MRC1: variants seen among roughly 807,000 people sequenced by gnomAD.
MRC1 encodes macrophage mannose receptor 1.
A neutral mutation model predicts 102.9 loss-of-function variants in MRC1; 62 were observed. The ratio of observed to expected loss-of-function variants is 0.60; its 90% CI spans 0.49 to 0.74. MRC1 has a LOEUF of 0.74. Ranked by LOEUF, MRC1 falls within the 30% of genes least tolerant of loss-of-function variation. The pLI is 0.00. For synonymous variants in MRC1, 457 were observed against 298.4 expected (o/e 1.53, Z -5.48); for missense variants, 1,237 against 862.8 (o/e 1.43, Z -5.43).
intron 1 of MRC1, among the ~76,000 whole-genome samples, chr10:17,817,189 G>A (rs1838325466): frequency 6.8e-6 from 1 of 147,488 alleles, no homozygotes; most frequent in Admixed American, 6.9e-5. Flanking sequence ...GGCGGAGGTT[G>A]CAACGTGTTG....
At chr10:17,884,468 G>A (rs1337705579) in intron 21 of MRC1, among the ~76,000 whole-genome samples, 2 of 152,214 alleles carry the variant, frequency 1.3e-5, no homozygotes, top group Admixed American at 1.3e-4. Flanking sequence ...AGCTGCCGGA[G>A]ACTGGGTAAT....
At chr10:17,898,975 A>G (rs1238257883) in intron 24 of MRC1, among the ~76,000 whole-genome samples, 1 of 152,228 alleles carries the variant, frequency 6.6e-6, no homozygotes, top group African/African-American at 2.4e-5. Flanking sequence ...AGAGGCATAT[A>G]GAAAGTGTCA....
chr10:17,876,793 A>G (rs1361631156), intron 17 of MRC1, among the ~76,000 whole-genome samples: 1 of 152,158 alleles, frequency 6.6e-6, no homozygotes, highest in African/African-American at 2.4e-5. Flanking sequence ...CTTGGTTGTA[A>G]CAAAATTGTG....
chr10:17,885,493 T>C (rs974524182), intron 22 of MRC1, 58 bp downstream of exon 22: 47 of 770,710 alleles, frequency 6.1e-5, no homozygotes, highest in Non-Finnish European at 1.0e-4. Context: ...AGGGTTATCA[T>C]CTTATTGATT....
chr10:17,840,412 A>T (rs1204669078), intron 4 of MRC1, among the ~76,000 whole-genome samples: 1 of 152,256 alleles, frequency 6.6e-6, no homozygotes, highest in Non-Finnish European at 1.5e-5. Context: ...GATAATAGTC[A>T]AGATGATGGG....
chr10:17,864,232 G>A (rs1230293803), intron 11 of MRC1, among the ~76,000 whole-genome samples: 8 of 151,948 alleles, frequency 5.3e-5, no homozygotes, highest in South Asian at 2.1e-4. Context: ...CGAACTCCTC[G>A]CCTCAAGTGA....
At chr10:17,816,134 G>A (rs1838308328) in intron 1 of MRC1, among the ~76,000 whole-genome samples, 1 of 152,164 alleles carries the variant, frequency 6.6e-6, no homozygotes, top group East Asian at 1.9e-4. Context: ...TCAGCCCCCA[G>A]CACCTGGCAT....
At chr10:17,827,831 A>G (rs1838504401) in intron 3 of MRC1, 116 bp downstream of exon 3, 1 of 734,302 alleles carries the variant, frequency 1.4e-6, no homozygotes. Flanking sequence ...TTACGACCTC[A>G]TTGTACCTAC....
intron 1 of MRC1, 132 bp downstream of exon 1, chr10:17,809,658 G>A: frequency 1.3e-6 from 1 of 775,254 alleles, no homozygotes; most frequent in Non-Finnish European, 2.4e-6. Flanking sequence ...GCACCACGCA[G>A]TCCACGGCTA....
intron 22 of MRC1, among the ~76,000 whole-genome samples, chr10:17,888,644 ATTC>A (rs1833633395): frequency 6.6e-6 from 1 of 152,088 alleles, no homozygotes; most frequent in African/African-American, 2.4e-5. Context: ...TGTGTTTTCT[ATTC>A]TTTTAAATTT....
chr10:17,841,332 T>C (rs901723816), intron 5 of MRC1, among the ~76,000 whole-genome samples: 1 of 152,252 alleles, frequency 6.6e-6, no homozygotes, highest in Non-Finnish European at 1.5e-5. Flanking sequence ...GTGACAGTGA[T>C]TTTAACATCT....
At chr10:17,851,627 G>C (rs1838918126) in intron 7 of MRC1, among the ~76,000 whole-genome samples, 1 of 152,180 alleles carries the variant, frequency 6.6e-6, no homozygotes, top group Non-Finnish European at 1.5e-5. Context: ...ATGTATATAG[G>C]AAACTCTTAA....
At chr10:17,870,077 C>T (rs1382522741) in intron 12 of MRC1, among the ~76,000 whole-genome samples, 169 bp from the exon 13 acceptor site, 1 of 152,096 alleles carries the variant, frequency 6.6e-6, no homozygotes, top group Non-Finnish European at 1.5e-5. Flanking sequence ...TTTTGTTACC[C>T]AACTATTCAC....
chr10:17,855,747 A>G (rs952999021), intron 8 of MRC1, among the ~76,000 whole-genome samples: 87 of 151,942 alleles, frequency 5.7e-4, no homozygotes, highest in Non-Finnish European at 9.6e-4. Context: ...GTTTGTAGCT[A>G]GAGTCAAAAT....
intron 1 of MRC1, among the ~76,000 whole-genome samples, chr10:17,818,139 A>T (rs1219868549): frequency 6.6e-6 from 1 of 152,220 alleles, no homozygotes; most frequent in African/African-American, 2.4e-5. Flanking sequence ...TTTTGTAAGT[A>T]TACACATTTC....
intron 9 of MRC1, among the ~76,000 whole-genome samples, chr10:17,860,549 G>A (rs554569837): frequency 8.7e-4 from 132 of 152,234 alleles, no homozygotes; most frequent in African/African-American, 3.0e-3. Flanking sequence ...AAGTGCTGGC[G>A]TTACAGGCAT....
chr10:17,890,222 T>C lies in MRC1; in HGVS notation c.3148-3988T>C, dbSNP rs919456126. The stretch of plus-strand genomic sequence containing the variant: ...CTTGCTTCTTTAGAGATAAGATTTT[T>C]TTTTTCGTCTGGCTTCTTTCAAGAT... On this transcript the variant is annotated intron_variant, in intron 22 of 29. Transcript: ENST00000569591. Among the ~76,000 whole-genome samples the C allele has an allele frequency of 9.4e-3, 1,434 of 152,298 alleles. 12 individuals are homozygous for C. The highest frequency in any genetic ancestry group is 0.033 in the African/African-American group (1,362 of 41,574).
At chr10:17,848,195 GA>G (rs1838855337) in intron 6 of MRC1, among the ~76,000 whole-genome samples, 1 of 152,130 alleles carries the variant, frequency 6.6e-6, no homozygotes, top group Non-Finnish European at 1.5e-5. Context: ...ACAGCCATTT[GA>G]AAACATTTAA....
At position 17,894,382 on chromosome 10, in the gene MRC1, CTTTCTTTCTTTCTT is replaced by C; in HGVS notation, c.3250+74_3250+87del. ...TTTTTCCCCACTTTTTTCTTTCTTT[CTTTCTTTCTTTCTT>C]TTTTTTTTTTTTTTTTTTTTTGAGG... On this transcript the variant is annotated intron_variant, in intron 23 of 29. Transcript: ENST00000569591. The C allele has an allele frequency of 1.9e-5, 12 of 626,262 alleles. No individual in the cohort carries two copies. The African/African-American group carries it at 2.3e-4, about 12-fold the overall frequency. 38.8% of individuals were successfully genotyped at this position (626,262 alleles called of 1,614,324 possible).
Sources: allele counts gnomAD v4.1 joint callset (sites outside exome capture counted in the v4.1 genomes callset), GRCh38; gene constraint gnomAD v4.1.1; transcripts MANE v1.5; gene names NCBI Gene and HGNC (gene_info 2026-07-23, HGNC 2026-07-21).